PPP2R2B: variants seen among roughly 807,000 people sequenced by gnomAD.
PPP2R2B encodes protein phosphatase 2 regulatory subunit Bbeta, also known as serine/threonine-protein phosphatase 2A 55 kDa regulatory subunit B beta isoform.
Under a neutral mutation model 46.0 loss-of-function variants are expected in PPP2R2B, and 5 were observed. That is an observed-to-expected ratio of 0.11 (90% CI 0.06 to 0.23). The LOEUF (loss-of-function observed/expected upper bound fraction) is 0.23, where lower values mean the gene tolerates loss of function less well. PPP2R2B is among the 10% of genes least tolerant of loss of function. PPP2R2B has a pLI of 1.00. For synonymous variants in PPP2R2B, 215 were observed against 206.7 expected (o/e 1.04, Z -0.34); for missense variants, 367 against 575.0 (o/e 0.64, Z 3.70).
At chr5:146,822,987 T>A (rs1179488480) in intron 2 of PPP2R2B, among the ~76,000 whole-genome samples, 1 of 152,052 alleles carries the variant, frequency 6.6e-6, no homozygotes, top group African/African-American at 2.4e-5. Flanking sequence ...AAAAAAGACT[T>A]TTGTTTTTCT....
chr5:146,595,778 A>G (rs984768243), intron 8 of PPP2R2B, among the ~76,000 whole-genome samples: 1 of 152,236 alleles, frequency 6.6e-6, no homozygotes, highest in Non-Finnish European at 1.5e-5. Flanking sequence ...AGCTTGGAGC[A>G]AGAGAGAACT....
intron 1 of PPP2R2B, among the ~76,000 whole-genome samples, chr5:146,967,304 T>C (rs1752465085): frequency 6.6e-6 from 1 of 152,222 alleles, no homozygotes; most frequent in South Asian, 2.1e-4. Flanking sequence ...TATTGGTTTC[T>C]AGATGTCTCC....
At chr5:146,994,802 C>A (rs1434170204) in intron 1 of PPP2R2B, among the ~76,000 whole-genome samples, 2 of 152,182 alleles carry the variant, frequency 1.3e-5, no homozygotes, top group East Asian at 3.9e-4. Flanking sequence ...ATATACTCAG[C>A]ACTGTGCCAA....
intron 1 of PPP2R2B, among the ~76,000 whole-genome samples, chr5:146,888,656 G>T (rs904703439): frequency 2.0e-5 from 3 of 152,104 alleles, no homozygotes; most frequent in Admixed American, 6.6e-5. Context: ...GAAAGATTTA[G>T]CTCCAGCTAT....
At chr5:146,977,750 C>T (rs1330594651) in intron 1 of PPP2R2B, among the ~76,000 whole-genome samples, 1 of 152,092 alleles carries the variant, frequency 6.6e-6, no homozygotes, top group Non-Finnish European at 1.5e-5. Context: ...GTATATGTGC[C>T]ACATTTTCTT....
At chr5:146,791,158 G>A (rs564319633) in intron 2 of PPP2R2B, among the ~76,000 whole-genome samples, 2 of 152,244 alleles carry the variant, frequency 1.3e-5, no homozygotes, top group African/African-American at 4.8e-5. Context: ...AAAAAGTAAG[G>A]AGTAGAATGG....
intron 2 of PPP2R2B, among the ~76,000 whole-genome samples, chr5:146,711,477 A>T (rs887133049): frequency 6.6e-6 from 1 of 152,230 alleles, no homozygotes; most frequent in African/African-American, 2.4e-5. Context: ...AATGAGATAC[A>T]TTGCTCAATA....
Position 146,589,865 on chromosome 5 carries a change from C to A in PPP2R2B, c.*82G>T. The A allele has an allele frequency of 1.5e-6, 2 of 1,366,574 alleles. No homozygotes were observed. Among genetic ancestry groups the A allele is most frequent in the Non-Finnish European group, 2.0e-6 (2 of 986,802 alleles). 84.7% of individuals were successfully genotyped at this position (1,366,574 alleles called of 1,614,324 possible). A position where few individuals can be genotyped will look rare whatever the true frequency, so the allele number is the denominator to read the frequency against. On this transcript the variant is annotated 3_prime_UTR_variant, in exon 10 of 10. Coordinates refer to ENST00000394411, the MANE Select transcript of PPP2R2B (RefSeq NM_181675.4). ...TATAGGGAAATTAAAGTCAATGCAT[C>A]AAATGAAGACCCAAAGAAACATTTA...
intron 1 of PPP2R2B, among the ~76,000 whole-genome samples, chr5:146,901,549 C>T (rs192702869): frequency 2.6e-5 from 4 of 152,140 alleles, no homozygotes; most frequent in African/African-American, 7.2e-5. Context: ...ATTTCCAATG[C>T]TATTTCAACC....
chr5:146,772,331 G>A (rs916863913), intron 2 of PPP2R2B, among the ~76,000 whole-genome samples: 5 of 142,170 alleles, frequency 3.5e-5, no homozygotes, highest in South Asian at 2.3e-4. Flanking sequence ...TTATGAGCAC[G>A]TAGAATGTAT....
chr5:146,784,947 T>C (rs1281982214), intron 2 of PPP2R2B, among the ~76,000 whole-genome samples: 1 of 152,150 alleles, frequency 6.6e-6, no homozygotes, highest in Non-Finnish European at 1.5e-5. Context: ...TTTTGGAATA[T>C]ATGATTGCGA....
chr5:146,861,222 A>AT (rs1485124066), intron 2 of PPP2R2B, among the ~76,000 whole-genome samples: 1 of 151,482 alleles, frequency 6.6e-6, no homozygotes, highest in African/African-American at 2.4e-5. Context: ...CGCCCGGCTA[A>AT]TTTTTTTGTA....
intron 1 of PPP2R2B, among the ~76,000 whole-genome samples, chr5:147,046,659 G>A (rs1026123042): frequency 1.3e-5 from 2 of 151,882 alleles, no homozygotes; most frequent in African/African-American, 4.9e-5. Context: ...TAGTCAAGGT[G>A]ATGTAGGTTG....
intron 2 of PPP2R2B, among the ~76,000 whole-genome samples, chr5:146,742,303 T>C (rs912295880): frequency 1.7e-4 from 26 of 152,152 alleles, no homozygotes; most frequent in African/African-American, 5.8e-4. Context: ...ACTGCCTCCT[T>C]ACTGTATGAA....
At chr5:146,670,818 A>G (rs892434792) in intron 5 of PPP2R2B, among the ~76,000 whole-genome samples, 25 of 152,068 alleles carry the variant, frequency 1.6e-4, no homozygotes, top group African/African-American at 5.8e-4. Flanking sequence ...CTTTAAACTG[A>G]TTTGCTTTTA....
intron 1 of PPP2R2B, among the ~76,000 whole-genome samples, chr5:146,912,787 G>A (rs185525694): frequency 1.7e-4 from 26 of 152,182 alleles, no homozygotes; most frequent in South Asian, 1.5e-3. Flanking sequence ...GATTACAGAC[G>A]TGAGCCACCG....
intron 1 of PPP2R2B, among the ~76,000 whole-genome samples, chr5:146,940,153 T>C (rs1465291543): frequency 6.6e-6 from 1 of 152,212 alleles, no homozygotes; most frequent in East Asian, 1.9e-4. Flanking sequence ...TGTCTGTCTT[T>C]CTTGCATCAT....
chr5:146,836,863 G>A (rs1759315905), intron 2 of PPP2R2B, among the ~76,000 whole-genome samples: 1 of 152,158 alleles, frequency 6.6e-6, no homozygotes, highest in Non-Finnish European at 1.5e-5. Context: ...CTTGCCTTCT[G>A]CATCAAAATC....
intron 1 of PPP2R2B, among the ~76,000 whole-genome samples, chr5:147,015,272 A>G (rs1202354123): frequency 6.6e-6 from 1 of 151,612 alleles, no homozygotes; most frequent in Non-Finnish European, 1.5e-5. Flanking sequence ...CCTGTTTTAA[A>G]ATTCTCATTG....
Sources: gnomAD v4.1 joint callset for allele counts (sites outside exome capture counted in the v4.1 genomes callset) on GRCh38, gnomAD v4.1.1 for gene constraint, MANE v1.5 for transcripts, NCBI Gene and HGNC (gene_info 2026-07-23, HGNC 2026-07-21) for gene names.